Variants in PIAS1 observed in about 807,000 individuals in gnomAD.
The protein encoded by PIAS1 is protein inhibitor of activated STAT 1, also known as E3 SUMO-protein ligase PIAS1.
A neutral mutation model predicts 71.3 loss-of-function variants in PIAS1; 6 were observed. The observed-to-expected ratio is 0.08, with a 90% CI of 0.05 to 0.17. The LOEUF (loss-of-function observed/expected upper bound fraction) is 0.17. Among genes scored for constraint, PIAS1 ranks in the 10% least tolerant of loss-of-function variants. The pLI, the probability that PIAS1 is intolerant of heterozygous loss-of-function variation, is 1.00. For missense variants in PIAS1, 555 were observed against 793.6 expected (o/e 0.70, Z 3.61); for synonymous variants, 303 against 292.9 (o/e 1.03, Z -0.35).
chr15:68,172,278 A>T (rs1048089871), intron 8 of PIAS1, among the ~76,000 whole-genome samples: 1 of 152,238 alleles, frequency 6.6e-6, no homozygotes, highest in Non-Finnish European at 1.5e-5. Flanking sequence ...ATTCCATGGT[A>T]TATATGTGCC....
chr15:68,139,349 A>C (rs966044658), intron 2 of PIAS1, among the ~76,000 whole-genome samples: 3 of 152,228 alleles, frequency 2.0e-5, no homozygotes, highest in African/African-American at 7.2e-5. Context: ...AAAGGGTTCA[A>C]ACAGAGAATG....
chr15:68,090,089 A>G (rs1331122830), intron 2 of PIAS1, among the ~76,000 whole-genome samples: 10 of 151,874 alleles, frequency 6.6e-5, no homozygotes. Flanking sequence ...CATGTCAGCC[A>G]GGCTGGTCTC....
intron 2 of PIAS1, among the ~76,000 whole-genome samples, chr15:68,100,926 C>T (rs533714735): frequency 2.7e-5 from 4 of 149,772 alleles, no homozygotes; most frequent in African/African-American, 7.4e-5. Flanking sequence ...GATAAGGTCT[C>T]GCTCTGTCAC....
intron 2 of PIAS1, among the ~76,000 whole-genome samples, chr15:68,104,546 A>G (rs1018408815): frequency 2.6e-5 from 4 of 152,202 alleles, no homozygotes; most frequent in Non-Finnish European, 5.9e-5. Flanking sequence ...TTAACCACAG[A>G]GAGACAAATA....
chr15:68,182,074 G>C (rs184715462), intron 12 of PIAS1, among the ~76,000 whole-genome samples: 76 of 152,232 alleles, frequency 5.0e-4, no homozygotes, highest in Non-Finnish European at 9.0e-4. Context: ...TGAGACATTT[G>C]AAAGTTTTAG....
chr15:68,142,472 G>A (rs2092777790), intron 4 of PIAS1, 135 bp downstream of exon 4: 1 of 653,060 alleles, frequency 1.5e-6, no homozygotes, highest in Non-Finnish European at 2.5e-6. Context: ...TATCAGGAAG[G>A]GGAAATGGAA....
rs2091871168 is a variant in PIAS1, at chr15:68,054,384, G to A, written c.24+34G>A. ...CAGCTCGAATTCACTTCTAATATTCGGCCGCGGAGACGGCGCCGCTGCTGC... is the reference window on the plus strand; with the variant it reads ...CAGCTCGAATTCACTTCTAATATTCAGCCGCGGAGACGGCGCCGCTGCTGC... On this transcript the variant is annotated intron_variant, in intron 1 of 13. Transcript: ENST00000249636. This position sits in a 1 kb window ranked among gnomAD's most constrained non-coding sequence, Gnocchi z 4.6. The A allele has an allele frequency of 6.4e-7, 1 of 1,557,306 alleles. No individual in the cohort carries two copies. Among genetic ancestry groups the A allele is most frequent in the Non-Finnish European group, 8.7e-7 (1 of 1,150,652 alleles).
intron 1 of PIAS1, among the ~76,000 whole-genome samples, chr15:68,059,301 C>T (rs11638619): frequency 1.3e-5 from 2 of 152,080 alleles, no homozygotes; most frequent in Non-Finnish European, 1.5e-5. Context: ...GCCACCACCG[C>T]GCCAGGCCCA....
chr15:68,123,423 T>TG (rs962892618), intron 2 of PIAS1, among the ~76,000 whole-genome samples: 7 of 152,188 alleles, frequency 4.6e-5, no homozygotes, highest in African/African-American at 1.7e-4. Flanking sequence ...TTTACTGTTC[T>TG]GGGGCATTTT....
intron 8 of PIAS1, among the ~76,000 whole-genome samples, chr15:68,170,667 G>A (rs2092985675): frequency 6.6e-6 from 1 of 151,888 alleles, no homozygotes; most frequent in African/African-American, 2.4e-5. Context: ...TTGAGACAGA[G>A]TCTCCCTCTG....
intron 2 of PIAS1, among the ~76,000 whole-genome samples, chr15:68,136,869 T>C (rs1052718079): frequency 1.3e-4 from 20 of 152,194 alleles, no homozygotes; most frequent in Admixed American, 2.6e-4. Flanking sequence ...AATATTCTTG[T>C]ATATGAAACC....
Position 68,086,756 on chromosome 15 carries a change from A to T in PIAS1, c.469+6A>T. 6.4e-7 allele frequency: 1 copy of T among 1,568,656 alleles called. No individual in the cohort carries two copies. Among genetic ancestry groups the T allele is most frequent in the Non-Finnish European group, 8.8e-7 (1 of 1,140,334 alleles). ...GATAAAACCCACCAGTCTAGGTAAG[A>T]TTATTGTATGATAGTATTTGGTTAC... On this transcript the variant is annotated splice_donor_region_variant and intron_variant, in intron 2 of 13. Transcript: ENST00000249636. The surrounding 1 kb of genome is among the most constrained non-coding windows in gnomAD (Gnocchi z 7.2).
At position 68,167,533 on chromosome 15, in the gene PIAS1, G is replaced by C. The variant is rs2092965065; in HGVS notation, c.1008+2729G>C. The stretch of plus-strand genomic sequence containing the variant: ...ATAATTAAAAATGTTTTTACTCTTT[G>C]GGAATTTTATGGTTCTGATTTATTA... On this transcript the variant is annotated intron_variant, in intron 8 of 13. Coordinates refer to ENST00000249636, the MANE Select transcript of PIAS1 (RefSeq NM_016166.3). The surrounding 1 kb of genome is among the most constrained non-coding windows in gnomAD (Gnocchi z 4.4). Among the ~76,000 whole-genome samples, 2 of 151,994 alleles carry C rather than the reference G, an allele frequency of 1.3e-5. No individual in the cohort carries two copies. Among genetic ancestry groups the C allele is most frequent in the Non-Finnish European group, 2.9e-5 (2 of 68,008 alleles).
chr15:68,101,270 C>T (rs2092422751), intron 2 of PIAS1, among the ~76,000 whole-genome samples: 1 of 151,436 alleles, frequency 6.6e-6, no homozygotes, highest in Non-Finnish European at 1.5e-5. Context: ...TGTTTATTTG[C>T]CATCTGAATA....
chr15:68,073,341 T>C (rs1472554794), intron 1 of PIAS1, among the ~76,000 whole-genome samples: 3 of 152,160 alleles, frequency 2.0e-5, no homozygotes, highest in Admixed American at 6.5e-5. Context: ...ATTTCTAATA[T>C]ATTTGCATTA....
chr15:68,119,378 G>A (rs934717184), intron 2 of PIAS1, among the ~76,000 whole-genome samples: 4 of 151,624 alleles, frequency 2.6e-5, no homozygotes, highest in African/African-American at 9.7e-5. Context: ...CCGGGAGGCT[G>A]AGGTTGCAGT....
At chr15:68,164,856 T>C in intron 8 of PIAS1, 52 bp downstream of exon 8, 1 of 950,800 alleles carries the variant, frequency 1.1e-6, no homozygotes, top group Non-Finnish European at 1.6e-6. Context: ...ACATTTTCTC[T>C]TTTTATTAAG....
At chr15:68,101,255 T>G (rs1595725106) in intron 2 of PIAS1, among the ~76,000 whole-genome samples, 2 of 152,270 alleles carry the variant, frequency 1.3e-5, no homozygotes, top group East Asian at 3.9e-4. Context: ...GAACATCCTT[T>G]TATTTGTTTA....
In PIAS1 at chr15:68,171,460, G is replaced by A. The variant is rs996686712; in HGVS notation, c.1009-2272G>A. On this transcript the variant is annotated intron_variant, in intron 8 of 13. Coordinates refer to ENST00000249636, the MANE Select transcript of PIAS1 (RefSeq NM_016166.3). This position sits in a 1 kb window ranked among gnomAD's most constrained non-coding sequence, Gnocchi z 4.4. ...AGACCTCTATCGTATATGCGGTTCA[G>A]TGTTGACCAAAATGTTATGTGGTGC... 6.6e-6 allele frequency among the ~76,000 whole-genome samples: 1 copy of A among 152,204 alleles called. No homozygotes were observed. Among genetic ancestry groups the A allele is most frequent in the African/African-American group, 2.4e-5 (1 of 41,456 alleles).
Sources: allele counts gnomAD v4.1 joint callset (sites outside exome capture counted in the v4.1 genomes callset), GRCh38; gene constraint gnomAD v4.1.1; non-coding constraint Gnocchi (gnomAD v3.1); transcripts MANE v1.5; gene names NCBI Gene and HGNC (gene_info 2026-07-23, HGNC 2026-07-21).